The following ELAPOR2 variants were observed in gnomAD, a reference collection of about 807,000 sequenced individuals.
ELAPOR2 encodes the protein endosome-lysosome associated apoptosis and autophagy regulator family member 2, also known as endosome/lysosome-associated apoptosis and autophagy regulator family member 2.
A neutral mutation model predicts 120.7 loss-of-function variants in ELAPOR2; 89 were observed. The ratio of observed to expected loss-of-function variants is 0.74; its 90% CI spans 0.62 to 0.88. ELAPOR2 has a LOEUF of 0.88. ELAPOR2 is among the 40% of genes least tolerant of loss of function. The pLI, the probability that ELAPOR2 is intolerant of heterozygous loss-of-function variation, is 0.00. For missense variants in ELAPOR2, 1,134 were observed against 1,251.6 expected, an observed-to-expected ratio of 0.91 and a Z score of 1.42; for synonymous variants, 444 against 444.9, an observed-to-expected ratio of 1.00 and a Z score of 0.03.
intron 15 of ELAPOR2, among the ~76,000 whole-genome samples, chr7:86,910,936 G>T (rs1789275713): frequency 6.6e-6 from 1 of 151,536 alleles, no homozygotes; most frequent in South Asian, 2.1e-4. Flanking sequence ...TTTTTTACTA[G>T]GCTTAAATTA....
chr7:87,043,870 C>G (rs1213843110), intron 1 of ELAPOR2, among the ~76,000 whole-genome samples: 1 of 151,826 alleles, frequency 6.6e-6, no homozygotes, highest in East Asian at 1.9e-4. Context: ...CCCATTGTCT[C>G]AGCCCAAAAT....
intron 2 of ELAPOR2, among the ~76,000 whole-genome samples, chr7:86,958,324 A>G (rs975155828): frequency 1.3e-5 from 2 of 152,204 alleles, no homozygotes; most frequent in Admixed American, 6.5e-5. Flanking sequence ...AATTGGAATG[A>G]ATGCAGGTAA....
In ELAPOR2 at chr7:87,042,943, C is replaced by G. The variant is rs1794832111; in HGVS notation, c.189+16382G>C. Reference sequence around the variant, plus strand: ...ATAAAGGGGATATCACCACCGATCCCACAGAAATACAAACTACCATCAGTG... The same window carrying G: ...ATAAAGGGGATATCACCACCGATCCGACAGAAATACAAACTACCATCAGTG... On this transcript the variant is annotated intron_variant, in intron 1 of 21. Coordinates refer to ENST00000450689, the MANE Select transcript of ELAPOR2 (RefSeq NM_001142749.3). 2.0e-5 allele frequency among the ~76,000 whole-genome samples: 3 copies of G among 152,290 alleles called. No homozygotes were observed. In the South Asian group the frequency reaches 6.2e-4, roughly 32 times the overall value.
rs1435077735 is a variant in ELAPOR2, at chr7:86,923,064, T to C, written c.1399+2464A>G. The stretch of plus-strand genomic sequence containing the variant: ...GTGTATACTTTTAAAATATATAACT[T>C]AGATTTTACTATATAATCTATTTCC... On this transcript the variant is annotated intron_variant, in intron 10 of 21. Transcript: ENST00000450689. Among the ~76,000 whole-genome samples, 3 of 152,002 alleles carry C rather than the reference T, an allele frequency of 2.0e-5. No homozygotes were observed. In the East Asian group the frequency reaches 5.8e-4, roughly 29 times the overall value.
intron 1 of ELAPOR2, among the ~76,000 whole-genome samples, chr7:87,050,636 C>G (rs757686841): frequency 9.2e-5 from 14 of 152,174 alleles, no homozygotes; most frequent in Non-Finnish European, 1.8e-4. Flanking sequence ...CGGCCTAATA[C>G]AGTCTTGTAT....
At chr7:87,012,696 T>A (rs1793730625) in intron 1 of ELAPOR2, among the ~76,000 whole-genome samples, 1 of 152,074 alleles carries the variant, frequency 6.6e-6, no homozygotes, top group Non-Finnish European at 1.5e-5. Flanking sequence ...GCAACAAAAA[T>A]AAAATAGGAG....
intron 1 of ELAPOR2, among the ~76,000 whole-genome samples, chr7:86,971,027 G>C (rs776241154): frequency 5.8e-4 from 89 of 152,218 alleles, no homozygotes; most frequent in Middle Eastern, 6.8e-3. Context: ...TTATATTCTA[G>C]TTTTAATGAA....
chr7:87,023,868 T>C (rs755572161), intron 1 of ELAPOR2, among the ~76,000 whole-genome samples: 13 of 152,166 alleles, frequency 8.5e-5, no homozygotes, highest in Non-Finnish European at 1.9e-4. Context: ...TCTCTGTTTG[T>C]CTGTTGTTGG....
chr7:87,001,725 C>T (rs1249814240), intron 1 of ELAPOR2, among the ~76,000 whole-genome samples: 1 of 152,116 alleles, frequency 6.6e-6, no homozygotes, highest in East Asian at 1.9e-4. Flanking sequence ...TCCCTAAGCC[C>T]TGCTCAATTC....
Position 86,893,115 on chromosome 7 carries a change from ACAT to A in ELAPOR2, c.2686-18_2686-16del. Reference sequence around the variant, plus strand: ...TACAAGGTTTCCTTTAAAAAAAAAAACATAAAACCATAGAAGACATGAGAAATG... The same window carrying A: ...TACAAGGTTTCCTTTAAAAAAAAAAAAAAACCATAGAAGACATGAGAAATG... On this transcript the variant is annotated splice_polypyrimidine_tract_variant and intron_variant, in intron 19 of 21. Coordinates refer to ENST00000450689, the MANE Select transcript of ELAPOR2 (RefSeq NM_001142749.3). 1.3e-6 allele frequency: 2 copies of A among 1,513,936 alleles called. No individual in the cohort carries two copies. The highest frequency in any genetic ancestry group is 8.8e-7 in the Non-Finnish European group (1 of 1,133,790). 93.8% of individuals were successfully genotyped at this position (1,513,936 alleles called of 1,614,324 possible). A position where few individuals can be genotyped will look rare whatever the true frequency, so the allele number is the denominator to read the frequency against.
intron 8 of ELAPOR2, among the ~76,000 whole-genome samples, chr7:86,936,378 C>T (rs1790559452): frequency 6.6e-6 from 1 of 151,936 alleles, no homozygotes; most frequent in Admixed American, 6.6e-5. Context: ...CCACTTTACC[C>T]CACTAAAATG....
chr7:86,998,939 A>C (rs1793218066), intron 1 of ELAPOR2, among the ~76,000 whole-genome samples: 1 of 152,018 alleles, frequency 6.6e-6, no homozygotes. Flanking sequence ...GGCAATTAAT[A>C]GAGTTTCCAT....
chr7:86,984,608 G>A (rs1179371185), intron 1 of ELAPOR2, among the ~76,000 whole-genome samples: 1 of 152,186 alleles, frequency 6.6e-6, no homozygotes, highest in Non-Finnish European at 1.5e-5. Context: ...CACAATGAAG[G>A]CAGAAATAAA....
At chr7:86,921,532 T>C (rs935683342) in intron 10 of ELAPOR2, among the ~76,000 whole-genome samples, 12 of 152,164 alleles carry the variant, frequency 7.9e-5, no homozygotes, top group Admixed American at 2.0e-4. Flanking sequence ...AGAGAGAACA[T>C]AGCCCTGCCC....
chr7:87,036,663 T>C (rs1173123289), intron 1 of ELAPOR2, among the ~76,000 whole-genome samples: 1 of 152,214 alleles, frequency 6.6e-6, no homozygotes, highest in East Asian at 1.9e-4. Flanking sequence ...GCTATTTTCC[T>C]AAGCAAAGTA....
intron 1 of ELAPOR2, among the ~76,000 whole-genome samples, chr7:86,978,559 G>T (rs1029771115): frequency 1.3e-5 from 2 of 152,122 alleles, no homozygotes; most frequent in African/African-American, 2.4e-5. Flanking sequence ...AGTGCTCTCA[G>T]GCCCTTCTCC....
intron 20 of ELAPOR2, 75 bp from the exon 21 acceptor site, chr7:86,891,964 TA>T: frequency 2.1e-5 from 20 of 957,006 alleles, no homozygotes; most frequent in Non-Finnish European, 2.9e-5. Flanking sequence ...TTTTAGGTGG[TA>T]ATATACCAGC....
At chr7:86,913,413 T>C (rs1239266237) in intron 13 of ELAPOR2, among the ~76,000 whole-genome samples, 1 of 152,216 alleles carries the variant, frequency 6.6e-6, no homozygotes, top group Non-Finnish European at 1.5e-5. Context: ...TGCAATAATA[T>C]AGTTCCAGGA....
chr7:87,059,218 CA>C (rs1795355835), intron 1 of ELAPOR2, 106 bp downstream of exon 1: 1 of 1,229,874 alleles, frequency 8.1e-7, no homozygotes, highest in Non-Finnish European at 1.0e-6. Flanking sequence ...GTTCTCCAAG[CA>C]AAGGAAAAGG....
Sources: gnomAD v4.1 joint callset for allele counts (sites outside exome capture counted in the v4.1 genomes callset) on GRCh38, gnomAD v4.1.1 for gene constraint, MANE v1.5 for transcripts, NCBI Gene and HGNC (gene_info 2026-07-23, HGNC 2026-07-21) for gene names.